EPS15L1: variants seen among roughly 807,000 people sequenced by gnomAD.
EPS15L1 encodes epidermal growth factor receptor pathway substrate 15 like 1.
A neutral mutation model predicts 117.1 loss-of-function variants in EPS15L1; 43 were observed. The ratio of observed to expected loss-of-function variants is 0.37; its 90% CI spans 0.29 to 0.47. The LOEUF is 0.47. EPS15L1 is among the 20% of genes least tolerant of loss of function. The pLI is 0.99. For synonymous variants in EPS15L1, 459 were observed against 470.5 expected, an observed-to-expected ratio of 0.98 and a Z score of 0.32; for missense variants, 981 against 1,164.0, an observed-to-expected ratio of 0.84 and a Z score of 2.29.
At chr19:16,388,051 T>C (rs1568408789) in intron 19 of EPS15L1, among the ~76,000 whole-genome samples, 1 of 152,190 alleles carries the variant, frequency 6.6e-6, no homozygotes, top group Non-Finnish European at 1.5e-5. Flanking sequence ...AAATTTGTTT[T>C]GTTGTTTTGA....
chr19:16,422,700 T>G (rs1053708104), intron 9 of EPS15L1, among the ~76,000 whole-genome samples: 1 of 152,110 alleles, frequency 6.6e-6, no homozygotes, highest in Admixed American at 6.6e-5. Context: ...CTCACACCTA[T>G]AATCCCAGCA....
chr19:16,425,992 G>A (rs533922200), intron 8 of EPS15L1, among the ~76,000 whole-genome samples: 18 of 152,332 alleles, frequency 1.2e-4, no homozygotes, highest in African/African-American at 3.8e-4. Context: ...AGATTAAGGC[G>A]AGACTCATCA....
At chr19:16,441,280 G>A (rs1464764490) in intron 3 of EPS15L1, 1 of 260,316 alleles carries the variant, frequency 3.8e-6, no homozygotes, top group Admixed American at 4.7e-5. Context: ...AGACCAGTCT[G>A]GCTAACACAG....
chr19:16,450,714 C>G (rs1311889484), intron 1 of EPS15L1, among the ~76,000 whole-genome samples: 4 of 151,936 alleles, frequency 2.6e-5, no homozygotes, highest in African/African-American at 9.7e-5. Flanking sequence ...CCCTCCTGAC[C>G]TCAGGTGATC....
intron 4 of EPS15L1, among the ~76,000 whole-genome samples, chr19:16,440,441 A>G (rs920807778): frequency 1.3e-5 from 2 of 152,066 alleles, no homozygotes; most frequent in Non-Finnish European, 2.9e-5. Context: ...TCAAAAAAAT[A>G]AAAAATAACA....
At chr19:16,401,379 G>A (rs1045004182) in intron 16 of EPS15L1, 8 of 985,332 alleles carry the variant, frequency 8.1e-6, no homozygotes, top group African/African-American at 1.7e-5. Flanking sequence ...GAGCACGAGC[G>A]CTCACTCTTA....
In EPS15L1 at chr19:16,461,515, G is replaced by A. The variant is rs79239382; in HGVS notation, c.33+10398C>T. On this transcript the variant is annotated intron_variant, in intron 1 of 23. Coordinates refer to ENST00000455140, the MANE Select transcript of EPS15L1 (RefSeq NM_001258374.3). ...CATACACGTGTGGTCCCAGCTACTC[G>A]GAGGGCTGAGGCTGGAAAATCACTT... Among the ~76,000 whole-genome samples, 45 of 151,236 alleles carry A rather than the reference G, an allele frequency of 3.0e-4. No individual in the cohort carries two copies. In the East Asian group the frequency reaches 6.7e-3, roughly 22 times the overall value.
intron 21 of EPS15L1, among the ~76,000 whole-genome samples, chr19:16,378,597 G>A (rs2092325087): frequency 1.3e-5 from 2 of 151,984 alleles, no homozygotes; most frequent in Admixed American, 6.6e-5. Context: ...CACCTGGAGG[G>A]CAAGCACAGT....
intron 18 of EPS15L1, among the ~76,000 whole-genome samples, chr19:16,393,450 C>T (rs557299789): frequency 4.0e-5 from 6 of 151,864 alleles, no homozygotes; most frequent in South Asian, 2.1e-4. Flanking sequence ...GAGTGTGAGA[C>T]GAGCCTGGCT....
At chr19:16,366,566 T>C (rs1268253582) in intron 22 of EPS15L1, among the ~76,000 whole-genome samples, 1 of 152,164 alleles carries the variant, frequency 6.6e-6, no homozygotes, top group African/African-American at 2.4e-5. Flanking sequence ...ACCGTTGTTA[T>C]TTAGAAATCA....
In EPS15L1 at chr19:16,371,813, ACT is replaced by A. The variant is rs1337180446; in HGVS notation, c.2380+5307_2380+5308del. Among the ~76,000 whole-genome samples the A allele has an allele frequency of 6.6e-6, 1 of 151,864 alleles. No homozygotes were observed. Among genetic ancestry groups the A allele is most frequent in the Non-Finnish European group, 1.5e-5 (1 of 67,986 alleles). ...GCAAATCAACAACTTTTACCTAGAA[ACT>A]CTTCAGCGGTGAGCTCTGACTGATC... On this transcript the variant is annotated intron_variant, in intron 22 of 23. Transcript: ENST00000455140. This position sits in a 1 kb window ranked among gnomAD's most constrained non-coding sequence, Gnocchi z 4.7.
chr19:16,458,795 C>T (rs1420917691), intron 1 of EPS15L1, among the ~76,000 whole-genome samples: 1 of 152,202 alleles, frequency 6.6e-6, no homozygotes, highest in Non-Finnish European at 1.5e-5. Context: ...CACCTCCTTC[C>T]CCCGGCTGGC....
At chr19:16,393,639 A>G (rs2092506240) in intron 18 of EPS15L1, among the ~76,000 whole-genome samples, 2 of 147,436 alleles carry the variant, frequency 1.4e-5, no homozygotes, top group South Asian at 2.1e-4. Flanking sequence ...ACAGAGCGAG[A>G]CTCCGTCTCA....
chr19:16,358,113 GC>G (rs891730726), intron 23 of EPS15L1: 5 of 152,748 alleles, frequency 3.3e-5, no homozygotes, highest in African/African-American at 1.2e-4. Context: ...CTGAACCACA[GC>G]CCTCTGGCCG....
chr19:16,446,317 G>A (rs73021155), intron 1 of EPS15L1, among the ~76,000 whole-genome samples: 5 of 152,258 alleles, frequency 3.3e-5, no homozygotes, highest in Non-Finnish European at 5.9e-5. Flanking sequence ...AGGGCAGGAC[G>A]CCTCCTACAT....
chr19:16,414,251 C>A (rs1398159809), intron 12 of EPS15L1, among the ~76,000 whole-genome samples: 1 of 152,096 alleles, frequency 6.6e-6, no homozygotes, highest in Non-Finnish European at 1.5e-5. Flanking sequence ...AGACCTCGGA[C>A]CCCCAGCCGC....
In EPS15L1 at chr19:16,469,353, G is replaced by T. The variant is rs58979854; in HGVS notation, c.33+2560C>A. ...CTCCAGTGTTGCGGAGTTCGAGGAGGATCGGCTGCAGCCACAGGGCACCGG... is the reference window on the plus strand; with the variant it reads ...CTCCAGTGTTGCGGAGTTCGAGGAGTATCGGCTGCAGCCACAGGGCACCGG... On this transcript the variant is annotated intron_variant, in intron 1 of 23. Coordinates refer to ENST00000455140, the MANE Select transcript of EPS15L1 (RefSeq NM_001258374.3). Among the ~76,000 whole-genome samples the T allele has an allele frequency of 2.8e-3, 423 of 152,260 alleles. 2 individuals are homozygous for T. The highest frequency in any genetic ancestry group is 9.5e-3 in the African/African-American group (393 of 41,556).
intron 22 of EPS15L1, among the ~76,000 whole-genome samples, chr19:16,368,162 T>C (rs2092165217): frequency 6.6e-6 from 1 of 152,118 alleles, no homozygotes; most frequent in Admixed American, 6.5e-5. Context: ...TTCGCTATTA[T>C]CCTATACAAC....
At chr19:16,401,125 CGG>C (rs1568419369) in intron 16 of EPS15L1, 1 of 985,126 alleles carries the variant, frequency 1.0e-6, no homozygotes, top group African/African-American at 1.7e-5. Flanking sequence ...ATGACGGGCC[CGG>C]GGGCGGCTAT....
Sources: gnomAD v4.1 joint callset for allele counts (sites outside exome capture counted in the v4.1 genomes callset) on GRCh38, gnomAD v4.1.1 for gene constraint, Gnocchi (gnomAD v3.1) non-coding constraint, MANE v1.5 for transcripts, NCBI Gene and HGNC (gene_info 2026-07-23, HGNC 2026-07-21) for gene names.